The following ADGRL2 variants were observed in gnomAD, a reference collection of about 807,000 sequenced individuals.
ADGRL2 encodes the protein calcium-independent alpha-latrotoxin receptor 2.
In ADGRL2, 44 loss-of-function variants were observed where a neutral mutation model predicts 157.4. The ratio of observed to expected loss-of-function variants is 0.28; its 90% CI spans 0.22 to 0.36. ADGRL2 has a LOEUF of 0.36. Ranked by LOEUF, ADGRL2 falls within the 10% of genes least tolerant of loss-of-function variation. ADGRL2 has a pLI of 1.00. For synonymous variants in ADGRL2, 585 were observed against 624.7 expected (o/e 0.94, Z 0.95); for missense variants, 1,510 against 1,768.9 (o/e 0.85, Z 2.63).
intron 2 of ADGRL2, among the ~76,000 whole-genome samples, chr1:81,845,253 T>C (rs1344160558): frequency 6.6e-6 from 1 of 152,088 alleles, no homozygotes; most frequent in Non-Finnish European, 1.5e-5. Context: ...TTAATCCTCC[T>C]TTTCTACTTG....
intron 23 of ADGRL2, among the ~76,000 whole-genome samples, chr1:81,989,116 T>C (rs1664029435): frequency 1.3e-5 from 2 of 152,140 alleles, no homozygotes; most frequent in African/African-American, 4.8e-5. Flanking sequence ...CATGTTTATG[T>C]GTCTGTAGAA....
intron 2 of ADGRL2, among the ~76,000 whole-genome samples, chr1:81,848,145 A>G (rs1410074261): frequency 6.6e-6 from 1 of 151,814 alleles, no homozygotes; most frequent in East Asian, 1.9e-4. Flanking sequence ...GGGTACTGAT[A>G]TGATTTGTTT....
chr1:81,893,360 T>A (rs2094312668), intron 2 of ADGRL2, among the ~76,000 whole-genome samples: 2 of 152,250 alleles, frequency 1.3e-5, no homozygotes, highest in South Asian at 4.1e-4. Context: ...GGAACTTTTT[T>A]ATCTGGTAAC....
chr1:81,660,863 A>G (rs1350544664), intron 3 of ADGRL2, among the ~76,000 whole-genome samples: 1 of 152,214 alleles, frequency 6.6e-6, no homozygotes, highest in Non-Finnish European at 1.5e-5. Context: ...GATAAAGCAT[A>G]CTTGGGTCTT....
In ADGRL2 at chr1:81,679,396, G is replaced by A. The variant is rs908072144; in HGVS notation, c.-142-82415G>A. Among the ~76,000 whole-genome samples the A allele has an allele frequency of 9.0e-5, 12 of 133,956 alleles. No homozygotes were observed. The South Asian group carries it at 2.3e-3, about 26-fold the overall frequency. 87.9% of individuals were successfully genotyped at this position (133,956 alleles called of 152,430 possible). A position where few individuals can be genotyped will look rare whatever the true frequency, so the allele number is the denominator to read the frequency against. On this transcript the variant is annotated intron_variant, in intron 3 of 24. Coordinates refer to the ADGRL2 transcript ENST00000370721. Reference sequence around the variant, plus strand: ...GAGGACAGGTCTTCCAGCTTCTCTGGATGGTAGTAAGAAAAAAAAAAAACA... The same window carrying A: ...GAGGACAGGTCTTCCAGCTTCTCTGAATGGTAGTAAGAAAAAAAAAAAACA...
Position 81,985,528 on chromosome 1 carries a change from G to A in ADGRL2, c.3508+173G>A. Reference sequence around the variant, plus strand: ...CAGATTAAAAATATTATCCTAGGGAGTACAGATTTATCCTTTCTGACCAAG... The same window carrying A: ...CAGATTAAAAATATTATCCTAGGGAATACAGATTTATCCTTTCTGACCAAG... On this transcript the variant is annotated intron_variant, in intron 21 of 23. Transcript: ENST00000686636. The A allele has an allele frequency of 4.9e-6, 2 of 409,886 alleles. 1 individual carries two copies. The highest frequency in any genetic ancestry group is 8.8e-6 in the Non-Finnish European group (2 of 226,706). 25.4% of individuals were successfully genotyped at this position (409,886 alleles called of 1,614,324 possible).
chr1:81,950,211 A>G lies in ADGRL2; in HGVS notation c.1233A>G (p.Ile411Met). Residue 411 changes from isoleucine (I) to methionine (M), a missense_variant, in exon 7 of 24, where the codon ATA becomes ATG. By Grantham distance (10) the Ile-to-Met change is conservative. This residue lies in a region of ADGRL2 where 325 missense variants were observed against 333.2 expected (regional missense o/e 0.98). Coordinates refer to ENST00000686636, the MANE Select transcript of ADGRL2 (RefSeq NM_001366006.2). ...TAGTGCCTACCACAGCTGTGACAAT[A>G]ACTTCTTCAGCTGAGCTGTTCAAAA... ...PAQVPTTAVTITSSAELFKTI... is the reference protein window; with the variant it reads ...PAQVPTTAVTMTSSAELFKTI... 1 of 1,613,908 alleles carries G rather than the reference A, an allele frequency of 6.2e-7. No individual in the cohort carries two copies. Among genetic ancestry groups the G allele is most frequent in the Non-Finnish European group, 8.5e-7 (1 of 1,179,848 alleles).
chr1:81,579,917 A>T (rs1411928095), intron 2 of ADGRL2, among the ~76,000 whole-genome samples: 2 of 152,150 alleles, frequency 1.3e-5, no homozygotes, highest in Non-Finnish European at 2.9e-5. Context: ...AAATTACCAG[A>T]TTACCTGGCA....
chr1:81,440,305 T>A (rs1371067699), intron 1 of ADGRL2, among the ~76,000 whole-genome samples: 2 of 152,216 alleles, frequency 1.3e-5, no homozygotes, highest in African/African-American at 4.8e-5. Context: ...AGCATTTGGC[T>A]GCTTCCTGTA....
chr1:81,639,371 A>G (rs978487640), intron 3 of ADGRL2, among the ~76,000 whole-genome samples: 2 of 152,024 alleles, frequency 1.3e-5, no homozygotes, highest in Admixed American at 1.3e-4. Context: ...GGGCCCCACC[A>G]GAAAGTTCCT....
chr1:81,445,567 G>A (rs1366301518), intron 2 of ADGRL2, among the ~76,000 whole-genome samples: 3 of 152,184 alleles, frequency 2.0e-5, no homozygotes, highest in Non-Finnish European at 4.4e-5. Context: ...GACTTAGAGA[G>A]GACGGCCTCA....
chr1:81,368,419 C>T (rs1356324719), intron 1 of ADGRL2, among the ~76,000 whole-genome samples: 1 of 152,194 alleles, frequency 6.6e-6, no homozygotes, highest in Admixed American at 6.5e-5. Context: ...CAACTTGTCT[C>T]TTTAACGTCT....
At chr1:81,522,018 G>A (rs1250514960) in intron 2 of ADGRL2, among the ~76,000 whole-genome samples, 1 of 149,296 alleles carries the variant, frequency 6.7e-6, no homozygotes, top group Non-Finnish European at 1.5e-5. Context: ...AGGCTGGAGT[G>A]CAGTGGTGCA....
At chr1:81,616,650 T>C (rs955700427) in intron 3 of ADGRL2, among the ~76,000 whole-genome samples, 3 of 125,978 alleles carry the variant, frequency 2.4e-5, no homozygotes, top group African/African-American at 9.0e-5. Context: ...TTTTGGGTTT[T>C]TTTTTTTTCT....
chr1:81,653,758 A>T (rs1358726876), intron 3 of ADGRL2, among the ~76,000 whole-genome samples: 1 of 152,184 alleles, frequency 6.6e-6, no homozygotes, highest in Non-Finnish European at 1.5e-5. Flanking sequence ...GGATGTTCTG[A>T]GAAAAAAAGT....
chr1:81,574,197 G>T (rs930667702), intron 2 of ADGRL2, among the ~76,000 whole-genome samples: 2 of 147,990 alleles, frequency 1.4e-5, no homozygotes, highest in Middle Eastern at 6.8e-3. Context: ...TATCTAACAT[G>T]CAGTGAATAC....
intron 2 of ADGRL2, among the ~76,000 whole-genome samples, chr1:81,539,524 GTCTTT>G (rs775196504): frequency 8.5e-5 from 13 of 152,268 alleles, no homozygotes; most frequent in Non-Finnish European, 1.5e-4. Context: ...GCACATTCTA[GTCTTT>G]TCTTAGGACA....
intron 1 of ADGRL2, among the ~76,000 whole-genome samples, chr1:81,380,778 TTGG>T (rs938025403): frequency 2.2e-4 from 34 of 152,126 alleles, no homozygotes; most frequent in African/African-American, 8.2e-4. Flanking sequence ...TATAATGTAT[TTGG>T]TGGTGGTGGT....
chr1:81,656,023 A>G (rs2082526824), intron 3 of ADGRL2, among the ~76,000 whole-genome samples: 1 of 152,142 alleles, frequency 6.6e-6, no homozygotes. Flanking sequence ...ACTCCTTCAA[A>G]CAGAGTATAC....
Sources: gnomAD v4.1 joint callset for allele counts (sites outside exome capture counted in the v4.1 genomes callset) on GRCh38, gnomAD v4.1.1 for gene constraint, gnomAD v4.1.1 regional missense constraint, MANE v1.5 for transcripts, NCBI Gene and HGNC (gene_info 2026-07-23, HGNC 2026-07-21) for gene names.